MTMR3: variants seen among roughly 807,000 people sequenced by gnomAD.
The protein encoded by MTMR3 is myotubularin related protein 3, also known as phosphatidylinositol-3,5-bisphosphate 3-phosphatase MTMR3.
A neutral mutation model predicts 132.4 loss-of-function variants in MTMR3; 32 were observed. That is an observed-to-expected ratio of 0.24 (90% CI 0.18 to 0.32). The LOEUF (loss-of-function observed/expected upper bound fraction) is 0.32, where lower values mean the gene tolerates loss of function less well. Among genes scored for constraint, MTMR3 ranks in the 10% least tolerant of loss-of-function variants. The pLI, the probability that MTMR3 is intolerant of heterozygous loss-of-function variation, is 1.00. For missense variants in MTMR3, 1,216 were observed against 1,489.6 expected (o/e 0.82, Z 3.02); for synonymous variants, 556 against 550.3 (o/e 1.01, Z -0.14).
At chr22:29,894,030 A>G (rs2064846799) in intron 1 of MTMR3, among the ~76,000 whole-genome samples, 1 of 151,970 alleles carries the variant, frequency 6.6e-6, no homozygotes, top group South Asian at 2.1e-4. Flanking sequence ...TATTTTTTAG[A>G]GATGGGATTT....
intron 1 of MTMR3, among the ~76,000 whole-genome samples, chr22:29,906,278 GTCTGTCTGTCTATCTATCTATCTATCTA>G (rs1483141654): frequency 0.021 from 1,464 of 68,226 alleles, 15 homozygotes; most frequent in Non-Finnish European, 0.027. Flanking sequence ...CTGTCTGTCT[GTCTGTCTGTCTATCTATCTATCTATCTA>G]TCTATCTATC....
chr22:29,926,948 A>G (rs905152619), intron 1 of MTMR3, among the ~76,000 whole-genome samples: 1 of 152,160 alleles, frequency 6.6e-6, no homozygotes, highest in Non-Finnish European at 1.5e-5. Flanking sequence ...GTGTTTTCAT[A>G]TAGAAGTTTA....
chr22:30,025,835 G>A lies in MTMR3; in HGVS notation c.*34G>A. Reference sequence around the variant, plus strand: ...GACCTGGGTGGGCAGTGGCCAAGCTGCTGTTCCTATGACAGGCCCACTCAA... The same window carrying A: ...GACCTGGGTGGGCAGTGGCCAAGCTACTGTTCCTATGACAGGCCCACTCAA... On this transcript the variant is annotated 3_prime_UTR_variant, in exon 20 of 20. Coordinates refer to ENST00000401950, the MANE Select transcript of MTMR3 (RefSeq NM_021090.4). 6.2e-7 allele frequency: 1 copy of A among 1,610,998 alleles called. No homozygotes were observed. The highest frequency in any genetic ancestry group is 1.1e-5 in the South Asian group (1 of 90,986).
At position 30,022,114 on chromosome 22, in the gene MTMR3, A is replaced by T. The variant is rs749992746; in HGVS notation, c.3311A>T (p.Glu1104Val). 6 of 1,614,010 alleles carry T rather than the reference A, an allele frequency of 3.7e-6. No individual in the cohort carries two copies. In the South Asian group the frequency reaches 5.5e-5, roughly 15 times the overall value. Reference protein sequence around the residue: ...STEIFSEASWEQVDKQDTEMT... With the variant: ...STEIFSEASWVQVDKQDTEMT... The stretch of plus-strand genomic sequence containing the variant: ...GAGATTTTCTCTGAAGCCAGCTGGG[A>T]GCAGGTGGATAAACAGGACACAGAG... Residue 1104 changes from glutamate to valine, a missense_variant, in exon 18 of 20, where the codon GAG becomes GTG. Coordinates refer to ENST00000401950, the MANE Select transcript of MTMR3 (RefSeq NM_021090.4).
chr22:29,894,254 A>C (rs1482402569), intron 1 of MTMR3, among the ~76,000 whole-genome samples: 1 of 152,120 alleles, frequency 6.6e-6, no homozygotes, highest in Non-Finnish European at 1.5e-5. Flanking sequence ...TCCTAAGAGG[A>C]GTGGCAGCGG....
intron 1 of MTMR3, among the ~76,000 whole-genome samples, chr22:29,951,601 G>A (rs2066080586): frequency 1.3e-5 from 2 of 152,126 alleles, no homozygotes; most frequent in Admixed American, 6.5e-5. Flanking sequence ...ATCTGGAAAC[G>A]CCACTAAATG....
intron 1 of MTMR3, among the ~76,000 whole-genome samples, chr22:29,895,703 A>G (rs966964203): frequency 1.3e-5 from 2 of 152,166 alleles, no homozygotes; most frequent in African/African-American, 4.8e-5. Context: ...TTTGCTGAGC[A>G]TACTTCTCAG....
intron 1 of MTMR3, among the ~76,000 whole-genome samples, chr22:29,886,762 A>G (rs893350992): frequency 2.6e-5 from 4 of 152,226 alleles, no homozygotes; most frequent in African/African-American, 9.7e-5. Flanking sequence ...TGCAAGTGTT[A>G]TGTAGAAAGA....
chr22:29,906,238 A>ATCCG (rs2065091509), intron 1 of MTMR3, among the ~76,000 whole-genome samples: 2 of 149,310 alleles, frequency 1.3e-5, no homozygotes, highest in East Asian at 4.0e-4. Context: ...ACATTTATCC[A>ATCCG]TCCATCCGTC....
At chr22:29,915,829 A>G (rs1008285921) in intron 1 of MTMR3, among the ~76,000 whole-genome samples, 7 of 151,886 alleles carry the variant, frequency 4.6e-5, no homozygotes, top group Non-Finnish European at 1.5e-5. Flanking sequence ...TTTTCTATTC[A>G]TCCCGTCTAT....
intron 1 of MTMR3, among the ~76,000 whole-genome samples, chr22:29,921,997 G>A (rs112963907): frequency 0.052 from 7,813 of 151,314 alleles, 290 homozygotes; most frequent in Non-Finnish European, 0.087. Context: ...CTACAAGTAT[G>A]CGGCACCACA....
chr22:29,889,664 T>G (rs758301715), intron 1 of MTMR3, among the ~76,000 whole-genome samples: 4 of 152,130 alleles, frequency 2.6e-5, no homozygotes, highest in Non-Finnish European at 5.9e-5. Flanking sequence ...TTTGGTATTT[T>G]TGTTTTTTTT....
intron 2 of MTMR3, among the ~76,000 whole-genome samples, chr22:29,967,136 G>A (rs2066436871): frequency 6.7e-6 from 1 of 149,878 alleles, no homozygotes; most frequent in Admixed American, 6.6e-5. Flanking sequence ...TAACTTTTTT[G>A]CAGCGTTTAT....
intron 1 of MTMR3, among the ~76,000 whole-genome samples, chr22:29,884,551 CTTTTTTTTTT>C (rs35960936): frequency 0.011 from 715 of 62,690 alleles, 8 homozygotes; most frequent in African/African-American, 0.035. Context: ...CAGAATGACA[CTTTTTTTTTT>C]TTTTTTTTTT....
intron 1 of MTMR3, among the ~76,000 whole-genome samples, chr22:29,884,046 G>C (rs911211934): frequency 2.0e-5 from 3 of 152,180 alleles, no homozygotes; most frequent in Non-Finnish European, 4.4e-5. Flanking sequence ...GATACTGTAG[G>C]TTGTATTTTG....
At chr22:29,992,970 T>G (rs1461101168) in intron 7 of MTMR3, 1 of 152,150 alleles carries the variant, frequency 6.6e-6, no homozygotes, top group Admixed American at 6.5e-5. Flanking sequence ...GGCTCAGAGG[T>G]AAAAAGCCTG....
intron 5 of MTMR3, chr22:29,980,192 TAAA>T (rs564894485): frequency 6.6e-6 from 1 of 152,104 alleles, no homozygotes; most frequent in African/African-American, 2.4e-5. Flanking sequence ...ACTCAGCAAT[TAAA>T]AAAAGACTCA....
At chr22:29,995,962 T>C (rs1010138101) in intron 7 of MTMR3, 1 of 152,210 alleles carries the variant, frequency 6.6e-6, no homozygotes, top group African/African-American at 2.4e-5. Flanking sequence ...GTCACACACA[T>C]ATTAAGAGTG....
chr22:29,895,499 A>G (rs2064876279), intron 1 of MTMR3, among the ~76,000 whole-genome samples: 1 of 152,138 alleles, frequency 6.6e-6, no homozygotes, highest in African/African-American at 2.4e-5. Context: ...AATTTTCTAG[A>G]TGTTTGGAAA....
Sources: gnomAD v4.1 joint callset for allele counts (sites outside exome capture counted in the v4.1 genomes callset) on GRCh38, gnomAD v4.1.1 for gene constraint, MANE v1.5 for transcripts, NCBI Gene and HGNC (gene_info 2026-07-23, HGNC 2026-07-21) for gene names.